Variants in STXBP6 observed in about 807,000 individuals in gnomAD.
STXBP6 encodes the protein syntaxin-binding protein 6.
STXBP6 carries 21 observed loss-of-function variants against 26.9 expected under a neutral mutation model. The observed-to-expected ratio is 0.78, with a 90% CI of 0.55 to 1.12. The LOEUF is 1.12. Ranked by LOEUF, STXBP6 falls within the 50% of genes most tolerant of loss-of-function variation. The probability of loss-of-function intolerance (pLI) is 0.00; values close to 1 mark genes in which losing one functional copy is unlikely to be tolerated. For synonymous variants in STXBP6, 97 were observed against 92.6 expected (o/e 1.05, Z -0.27); for missense variants, 232 against 257.9 (o/e 0.90, Z 0.69).
At chr14:24,928,072 C>T (rs938050228) in intron 2 of STXBP6, among the ~76,000 whole-genome samples, 3 of 152,122 alleles carry the variant, frequency 2.0e-5, no homozygotes, top group Non-Finnish European at 4.4e-5. Context: ...TACTGCAAAA[C>T]GGTCCTTCGG....
At chr14:24,964,864 A>C (rs148176790) in intron 2 of STXBP6, among the ~76,000 whole-genome samples, 10 of 152,256 alleles carry the variant, frequency 6.6e-5, no homozygotes, top group Admixed American at 6.5e-4. Context: ...TGATCCAGTA[A>C]AGATAGGTGT....
chr14:25,031,486 T>C (rs1369282459), intron 1 of STXBP6, among the ~76,000 whole-genome samples: 2 of 152,174 alleles, frequency 1.3e-5, no homozygotes, highest in East Asian at 3.8e-4. Flanking sequence ...ACAATTGATA[T>C]TGCAATATAC....
chr14:24,922,620 T>C (rs944963488), intron 2 of STXBP6, among the ~76,000 whole-genome samples: 1 of 152,110 alleles, frequency 6.6e-6, no homozygotes, highest in African/African-American at 2.4e-5. Flanking sequence ...ACAGGGATGC[T>C]GTCCTTTCCA....
chr14:24,907,332 T>C (rs568016331), intron 2 of STXBP6, among the ~76,000 whole-genome samples: 1 of 152,262 alleles, frequency 6.6e-6, no homozygotes, highest in African/African-American at 2.4e-5. Context: ...AGGATATACA[T>C]GCAGGTATGA....
At chr14:24,848,171 AGGCATGTACT>A in intron 4 of STXBP6, among the ~76,000 whole-genome samples, 1 of 152,334 alleles carries the variant, frequency 6.6e-6, no homozygotes, top group South Asian at 2.1e-4. Flanking sequence ...TAGAATATTT[AGGCATGTACT>A]GGCATTTTTC....
At position 25,050,118 on chromosome 14, in the gene STXBP6, G is replaced by T. The variant is rs946049128; in HGVS notation, c.-273C>A. 6.5e-6 allele frequency: 1 copy of T among 154,432 alleles called. No homozygotes were observed. The highest frequency in any genetic ancestry group is 2.4e-5 in the African/African-American group (1 of 41,438). The allele number at this position is 154,432 out of a possible 1,614,324, so 9.6% of individuals were successfully genotyped here. ...AACTCCGGGCGCTGGAGCTCCAGCT[G>T]CAGCCGCGCGCCCGCCCGCCGCCGA... is the stretch of plus-strand genomic sequence containing the variant. On this transcript the variant is annotated 5_prime_UTR_variant, in exon 1 of 6. Coordinates refer to ENST00000323944, the MANE Select transcript of STXBP6 (RefSeq NM_001394410.1).
At chr14:24,846,644 T>A (rs1053260756) in intron 4 of STXBP6, among the ~76,000 whole-genome samples, 1 of 152,192 alleles carries the variant, frequency 6.6e-6, no homozygotes, top group African/African-American at 2.4e-5. Flanking sequence ...AAGTAACATG[T>A]CCTGCATTTT....
intron 2 of STXBP6, among the ~76,000 whole-genome samples, chr14:24,901,506 T>C (rs2071211974): frequency 6.6e-6 from 1 of 152,178 alleles, no homozygotes; most frequent in Non-Finnish European, 1.5e-5. Context: ...ATGCAGCAAT[T>C]CTACTCTGAT....
chr14:25,027,534 G>A (rs1402444162), intron 1 of STXBP6, among the ~76,000 whole-genome samples: 1 of 152,054 alleles, frequency 6.6e-6, no homozygotes, highest in African/African-American at 2.4e-5. Flanking sequence ...TATTCTAGCT[G>A]CTCCTCCCAC....
chr14:24,933,593 T>C (rs1213108860), intron 2 of STXBP6, among the ~76,000 whole-genome samples: 1 of 152,214 alleles, frequency 6.6e-6, no homozygotes, highest in African/African-American at 2.4e-5. Context: ...AATGTATTTT[T>C]ATTTAACTTT....
chr14:24,888,513 G>A (rs569410012), intron 2 of STXBP6, among the ~76,000 whole-genome samples: 2 of 152,242 alleles, frequency 1.3e-5, no homozygotes, highest in South Asian at 4.2e-4. Flanking sequence ...CATGAGGTCA[G>A]AGGATCGAGC....
At chr14:24,833,243 C>T (rs939687059) in intron 4 of STXBP6, among the ~76,000 whole-genome samples, 28 of 152,192 alleles carry the variant, frequency 1.8e-4, no homozygotes, top group Admixed American at 3.3e-4. Context: ...TGTCTCCTCC[C>T]CTTTCATGAG....
At chr14:24,950,912 C>A (rs1484439596) in intron 2 of STXBP6, among the ~76,000 whole-genome samples, 1 of 152,042 alleles carries the variant, frequency 6.6e-6, no homozygotes, top group Non-Finnish European at 1.5e-5. Flanking sequence ...CCGACAGGCC[C>A]CCCGTGTGTA....
At chr14:24,957,393 A>G (rs531415324) in intron 2 of STXBP6, among the ~76,000 whole-genome samples, 1 of 152,370 alleles carries the variant, frequency 6.6e-6, no homozygotes, top group African/African-American at 2.4e-5. Context: ...AAAACTTGTC[A>G]TCACGATCCT....
rs144850519 is a variant in STXBP6, at chr14:24,882,532, A to G, written c.155-25375T>C. 5.5e-3 allele frequency among the ~76,000 whole-genome samples: 842 copies of G among 152,014 alleles called. 8 individuals are homozygous for G. The highest frequency in any genetic ancestry group is 0.019 in the African/African-American group (797 of 41,414). ...ACCCAACAGGAGATGAATACACCCA[A>G]TCACAGAGCTGCCTTACGTGTTTCT... On this transcript the variant is annotated intron_variant, in intron 2 of 5. Transcript: ENST00000323944.
intron 1 of STXBP6, among the ~76,000 whole-genome samples, chr14:24,978,971 G>A (rs2074117924): frequency 6.6e-6 from 1 of 152,170 alleles, no homozygotes; most frequent in South Asian, 2.1e-4. Flanking sequence ...CTGTGGTCAG[G>A]AGACCAAGAG....
intron 1 of STXBP6, among the ~76,000 whole-genome samples, chr14:24,999,685 C>A (rs2074703867): frequency 6.6e-6 from 1 of 152,062 alleles, no homozygotes; most frequent in Admixed American, 6.5e-5. Flanking sequence ...GGGGGTGCCA[C>A]TACCCCCAAA....
chr14:24,910,214 A>T (rs895388114), intron 2 of STXBP6, among the ~76,000 whole-genome samples: 5 of 152,146 alleles, frequency 3.3e-5, no homozygotes, highest in African/African-American at 1.2e-4. Flanking sequence ...CCCATGTTAG[A>T]GGGGCCTTCA....
intron 5 of STXBP6, chr14:24,818,204 T>A: frequency 2.2e-6 from 1 of 445,056 alleles, no homozygotes. Context: ...TTCAAACCAC[T>A]AACCAGAAAA....
Sources: allele counts gnomAD v4.1 joint callset (sites outside exome capture counted in the v4.1 genomes callset), GRCh38; gene constraint gnomAD v4.1.1; transcripts MANE v1.5; gene names NCBI Gene and HGNC (gene_info 2026-07-23, HGNC 2026-07-21).